Variants in LAMC2 observed in about 807,000 individuals in gnomAD.
LAMC2 encodes the protein laminin subunit gamma-2.
In LAMC2, 97 loss-of-function variants were observed where a neutral mutation model predicts 140.2. That is an observed-to-expected ratio of 0.69 (90% CI 0.59 to 0.82). The LOEUF is 0.82. Among genes scored for constraint, LAMC2 ranks in the 40% least tolerant of loss-of-function variants. The pLI, the probability that LAMC2 is intolerant of heterozygous loss-of-function variation, is 0.00. For synonymous variants in LAMC2, 513 were observed against 540.2 expected (o/e 0.95, Z 0.70); for missense variants, 1,402 against 1,476.1 (o/e 0.95, Z 0.82).
At chr1:183,226,249 G>A (rs1457525857) in intron 8 of LAMC2, among the ~76,000 whole-genome samples, 3 of 151,546 alleles carry the variant, frequency 2.0e-5, no homozygotes, top group Non-Finnish European at 2.9e-5. Flanking sequence ...AAAAGGAAGC[G>A]TGGCTAGCAT....
rs757195480 is a variant in LAMC2 at position 183,228,518 on chromosome 1, G to A, written c.1613G>A (p.Cys538Tyr). 2.5e-6 allele frequency: 4 copies of A among 1,613,880 alleles called. No homozygotes were observed. Among genetic ancestry groups the A allele is most frequent in the African/African-American group, 2.7e-5 (2 of 74,846 alleles). ...AATTGTGACCGGCTGACAGGCAGGT[G>A]TTTGAAGTGTATCCACAACACAGCC... The part of the protein sequence containing the change: ...SGNCDRLTGR[C>Y]LKCIHNTAGI... Residue 538 changes from cysteine to tyrosine, a missense_variant, in exon 11 of 23, where the codon TGT becomes TAT. Cys to Tyr is a radical substitution (Grantham distance 194, BLOSUM62 -2). This residue lies in a region of LAMC2 where 723 missense variants were observed against 783.3 expected (regional missense o/e 0.92). Transcript: ENST00000264144. This position sits in a 1 kb window ranked among gnomAD's most constrained non-coding sequence, Gnocchi z 4.3.
At chr1:183,220,252 C>T (rs1382024461) in intron 4 of LAMC2, among the ~76,000 whole-genome samples, 1 of 152,110 alleles carries the variant, frequency 6.6e-6, no homozygotes, top group Non-Finnish European at 1.5e-5. Flanking sequence ...TTACACCTGG[C>T]TTTTGGAGAG....
the LAMC2 span, among the ~76,000 whole-genome samples, chr1:183,252,997 T>C: frequency 6.6e-6 from 1 of 152,208 alleles, no homozygotes; most frequent in Non-Finnish European, 1.5e-5. Context: ...TTCAGTTTTT[T>C]TCCTGTAAAA....
At chr1:183,227,430 A>T in intron 9 of LAMC2, 85 bp from the exon 10 acceptor site, 2 of 1,300,946 alleles carry the variant, frequency 1.5e-6, no homozygotes, top group Admixed American at 3.4e-5. Flanking sequence ...AGGCTTTGAC[A>T]TTCTACACTC....
chr1:183,200,100 T>C (rs1658658151), intron 1 of LAMC2, among the ~76,000 whole-genome samples: 1 of 152,120 alleles, frequency 6.6e-6, no homozygotes, highest in African/African-American at 2.4e-5. Flanking sequence ...TTTAGAACAA[T>C]AGAAAGAGGG....
intron 1 of LAMC2, among the ~76,000 whole-genome samples, chr1:183,198,547 A>G (rs1313479439): frequency 6.6e-6 from 1 of 152,232 alleles, no homozygotes; most frequent in African/African-American, 2.4e-5. Flanking sequence ...TAGTGCACTA[A>G]GCAACCGAAA....
At chr1:183,242,176 G>A (rs536662553) in intron 22 of LAMC2, among the ~76,000 whole-genome samples, 1 of 152,264 alleles carries the variant, frequency 6.6e-6, no homozygotes, top group South Asian at 2.1e-4. Context: ...CCTTCCCATA[G>A]ACAAGGTTAT....
intron 14 of LAMC2, among the ~76,000 whole-genome samples, chr1:183,233,548 A>T (rs1659858860): frequency 3.3e-5 from 5 of 152,208 alleles, no homozygotes; most frequent in Admixed American, 3.3e-4. Context: ...AGATACTATA[A>T]TGAGGAAGTC....
intron 22 of LAMC2, among the ~76,000 whole-genome samples, chr1:183,241,924 G>A (rs1397816869): frequency 1.3e-5 from 2 of 152,160 alleles, no homozygotes; most frequent in South Asian, 2.1e-4. Context: ...GGAGAGCAGG[G>A]TAGATGGAAG....
At position 183,226,846 on chromosome 1, in the gene LAMC2, G is replaced by A. The variant is rs774558289; in HGVS notation, c.1215G>A (p.Ala405=). ...CTTCTGGCTACAAGAGAGATTCAGC[G>A]AGACTGGGGCCTTTTGGCACCTGTA... ...DCASGYKRDS[A]RLGPFGTCIP... The change falls in exon 9 of 23, where the codon GCG becomes GCA. Residue 405 remains alanine (A), a synonymous_variant. Coordinates refer to ENST00000264144, the MANE Select transcript of LAMC2 (RefSeq NM_005562.3). 87 of 1,614,060 alleles carry A rather than the reference G, an allele frequency of 5.4e-5. No homozygotes were observed. Among genetic ancestry groups the A allele is most frequent in the East Asian group, 4.9e-4 (22 of 44,892 alleles).
chr1:183,243,457 G>A lies in LAMC2; in HGVS notation c.*57G>A. The A allele has an allele frequency of 1.2e-6, 2 of 1,610,716 alleles. No homozygotes were observed. Among genetic ancestry groups the A allele is most frequent in the East Asian group, 4.5e-5 (2 of 44,870 alleles). On this transcript the variant is annotated 3_prime_UTR_variant, in exon 23 of 23. Coordinates refer to ENST00000264144, the MANE Select transcript of LAMC2 (RefSeq NM_005562.3). ...TTGGGATACAGATCTCAGGGCTCGGGAGCCATGTCATGTGAGTGGGTGGGA... is the reference window on the plus strand; with the variant it reads ...TTGGGATACAGATCTCAGGGCTCGGAAGCCATGTCATGTGAGTGGGTGGGA...
chr1:183,209,191 A>G (rs934410743), intron 2 of LAMC2, among the ~76,000 whole-genome samples: 13 of 151,992 alleles, frequency 8.6e-5, no homozygotes, highest in African/African-American at 3.1e-4. Context: ...TCTTTCTGGC[A>G]TTATCTACTT....
rs746040281 is a variant in LAMC2 at position 183,232,841 on chromosome 1, C to A, written c.2204C>A (p.Ala735Asp). 18 of 1,614,084 alleles carry A rather than the reference C, an allele frequency of 1.1e-5. No individual in the cohort carries two copies. The highest frequency in any genetic ancestry group is 1.7e-5 in the Admixed American group (1 of 60,014). Residue 735 changes from alanine to aspartate, a missense_variant, in exon 14 of 23, where the codon GCT becomes GAT. By Grantham distance (126) the Ala-to-Asp change is moderately radical. Transcript: ENST00000264144. ...QMQLSLAESE[A>D]SLGNTNIPAS... ...CAGCTGAGCCTGGCAGAAAGTGAAG[C>A]TTCCTTGGGAAACACTGTAGGTTTT...
At position 183,244,463 on chromosome 1, in the gene LAMC2, G is replaced by A. The variant is rs1422709699; in HGVS notation, c.*1063G>A. The A allele has an allele frequency of 6.6e-6, 1 of 152,388 alleles. No individual in the cohort carries two copies. The highest frequency in any genetic ancestry group is 2.4e-5 in the African/African-American group (1 of 41,452). The allele number at this position is 152,388 out of a possible 1,614,324, so 9.4% of individuals were successfully genotyped here. On this transcript the variant is annotated 3_prime_UTR_variant, in exon 23 of 23. Transcript: ENST00000264144. ...TTTATTGAGTACCTACTGTGTGCCA[G>A]GGGCTGGTGGGACAGTGGTGACATA...
At chr1:183,194,271 G>A (rs1658443564) in intron 1 of LAMC2, among the ~76,000 whole-genome samples, 1 of 148,922 alleles carries the variant, frequency 6.7e-6, no homozygotes, top group South Asian at 2.1e-4. Flanking sequence ...AAAAAAATCT[G>A]TAAGTAAGAT....
chr1:183,188,362 T>C (rs1658221285), intron 1 of LAMC2, among the ~76,000 whole-genome samples: 1 of 152,266 alleles, frequency 6.6e-6, no homozygotes, highest in African/African-American at 2.4e-5. Flanking sequence ...CTGAGTGTCC[T>C]GTGGGCTGCA....
intron 3 of LAMC2, among the ~76,000 whole-genome samples, chr1:183,216,877 G>A (rs927127315): frequency 6.6e-6 from 1 of 152,132 alleles, no homozygotes; most frequent in Admixed American, 6.5e-5. Flanking sequence ...CTGCCCTTGC[G>A]ATCCACACAC....
rs1284883628 is a variant in LAMC2, at chr1:183,228,802, T to C, written c.1714+183T>C. Among the ~76,000 whole-genome samples, 1 of 152,182 alleles carries C rather than the reference T, an allele frequency of 6.6e-6. No homozygotes were observed. On this transcript the variant is annotated intron_variant, in intron 11 of 22. Coordinates refer to ENST00000264144, the MANE Select transcript of LAMC2 (RefSeq NM_005562.3). This position sits in a 1 kb window ranked among gnomAD's most constrained non-coding sequence, Gnocchi z 4.3. ...CAAAGGCCTTAAGACAGGTTTACCC[T>C]GTAGCCAGGCTCTGGAAGACAGAGC... is the stretch of plus-strand genomic sequence containing the variant.
intron 1 of LAMC2, among the ~76,000 whole-genome samples, chr1:183,186,662 G>C (rs1258833484): frequency 6.6e-6 from 1 of 152,174 alleles, no homozygotes; most frequent in East Asian, 1.9e-4. Flanking sequence ...TGTGACAAAA[G>C]AGGGTCTTCC....
Sources: gnomAD v4.1 joint callset for allele counts (sites outside exome capture counted in the v4.1 genomes callset) on GRCh38, gnomAD v4.1.1 for gene constraint, gnomAD v4.1.1 regional missense constraint, Gnocchi (gnomAD v3.1) non-coding constraint, MANE v1.5 for transcripts, NCBI Gene and HGNC (gene_info 2026-07-23, HGNC 2026-07-21) for gene names.